Variants in FAM117B observed in about 807,000 individuals in gnomAD.
FAM117B encodes the protein protein FAM117B.
A neutral mutation model predicts 52.8 loss-of-function variants in FAM117B; 22 were observed. That is an observed-to-expected ratio of 0.42 (90% confidence interval 0.30 to 0.59). FAM117B has a LOEUF of 0.59. FAM117B is among the 20% of genes least tolerant of loss of function. The pLI is 0.22. For synonymous variants in FAM117B, 309 were observed against 324.1 expected, an observed-to-expected ratio of 0.95 and a Z score of 0.50; for missense variants, 678 against 802.6, an observed-to-expected ratio of 0.84 and a Z score of 1.88.
At chr2:202,705,731 T>G (rs570588327) in intron 2 of FAM117B, among the ~76,000 whole-genome samples, 2 of 152,356 alleles carry the variant, frequency 1.3e-5, no homozygotes, top group South Asian at 4.1e-4. Context: ...TTAGACTAAT[T>G]TATATTTCCA....
chr2:202,651,317 C>T (rs550816714), intron 1 of FAM117B, among the ~76,000 whole-genome samples: 41 of 151,760 alleles, frequency 2.7e-4, no homozygotes, highest in Non-Finnish European at 5.6e-4. Context: ...CTATCTCAGC[C>T]TCCCAAAGTG....
intron 4 of FAM117B, among the ~76,000 whole-genome samples, chr2:202,754,866 G>A (rs527524083): frequency 7.2e-6 from 1 of 138,896 alleles, no homozygotes; most frequent in Non-Finnish European, 1.5e-5. Flanking sequence ...CTCCAACCTG[G>A]GTGACAGAGT....
At chr2:202,713,973 C>A (rs1190272993) in intron 2 of FAM117B, among the ~76,000 whole-genome samples, 1 of 152,208 alleles carries the variant, frequency 6.6e-6, no homozygotes, top group African/African-American at 2.4e-5. Context: ...TCCCCAAGTG[C>A]TAGGATTACA....
chr2:202,730,840 G>A (rs950691056), intron 4 of FAM117B, among the ~76,000 whole-genome samples: 2 of 152,140 alleles, frequency 1.3e-5, no homozygotes, highest in Admixed American at 6.5e-5. Flanking sequence ...ATTGCGTTAG[G>A]CAATGGCTTC....
intron 4 of FAM117B, among the ~76,000 whole-genome samples, chr2:202,729,227 G>A (rs1176105936): frequency 2.6e-5 from 4 of 152,106 alleles, no homozygotes; most frequent in Non-Finnish European, 4.4e-5. Context: ...CCAGCTACTT[G>A]AGAGGCTGAG....
chr2:202,696,284 T>C (rs568224540), intron 2 of FAM117B, among the ~76,000 whole-genome samples: 2 of 152,140 alleles, frequency 1.3e-5, no homozygotes, highest in South Asian at 4.2e-4. Flanking sequence ...ATGGACATAC[T>C]TTTTTTTCCC....
In FAM117B at chr2:202,695,957, A is replaced by G. The variant is rs776372256; in HGVS notation, c.678A>G (p.Ala226=). ...CTTCCTCCCTGGATACTCTTGCTGC[A>G]CCGTATCTTGCTGGACACTGGCCTC... ...RRTSSLDTLA[A]PYLAGHWPRD... is the part of the protein sequence containing the mutation. The change falls in exon 2 of 8, where the codon GCA becomes GCG. Residue 226 remains alanine, a synonymous_variant. Transcript: ENST00000392238. The G allele has an allele frequency of 1.9e-6, 3 of 1,614,156 alleles. No individual in the cohort carries two copies. The highest frequency in any genetic ancestry group is 1.1e-5 in the South Asian group (1 of 91,076).
intron 4 of FAM117B, among the ~76,000 whole-genome samples, chr2:202,731,630 C>T (rs1221698844): frequency 6.6e-6 from 1 of 151,690 alleles, no homozygotes; most frequent in Non-Finnish European, 1.5e-5. Context: ...CAGGGTTTTA[C>T]TGTGTTGGCC....
chr2:202,680,018 C>T (rs978999634), intron 1 of FAM117B, among the ~76,000 whole-genome samples: 3 of 151,954 alleles, frequency 2.0e-5, no homozygotes, highest in Non-Finnish European at 4.4e-5. Flanking sequence ...TTGAAAAGAA[C>T]TGATCAAAAT....
chr2:202,652,018 A>C (rs1231220673), intron 1 of FAM117B, among the ~76,000 whole-genome samples: 7 of 146,090 alleles, frequency 4.8e-5, no homozygotes, highest in Non-Finnish European at 1.0e-4. Flanking sequence ...GTGCCATTGC[A>C]CTCCAGCCTG....
In FAM117B at chr2:202,661,401, G is replaced by A. The variant is rs534003680; in HGVS notation, c.601+25613G>A. ...AACAATTATAGTAAAACTGTTAACT[G>A]TTACTGAGTACCTTCTATATTCCAA... On this transcript the variant is annotated intron_variant, in intron 1 of 7. Transcript: ENST00000392238. Among the ~76,000 whole-genome samples the A allele has an allele frequency of 5.3e-5, 8 of 152,296 alleles. No homozygotes were observed. In the South Asian group the frequency reaches 1.0e-3, roughly 20 times the overall value.
In FAM117B at chr2:202,766,107, C is replaced by CACACACACACACA. The variant is rs1574309784; in HGVS notation, c.*343_*344insACACACACACACA. The CACACACACACACA allele has an allele frequency of 9.5e-5, 19 of 199,608 alleles. No homozygotes were observed. The highest frequency in any genetic ancestry group is 1.6e-4 in the Non-Finnish European group (16 of 100,726). The allele number at this position is 199,608 out of a possible 1,614,324, so 12.4% of individuals were successfully genotyped here. ...ACACACACACACACACACACACACACCCCTGATCCTTGCCAACATGATTCC... is the reference window on the plus strand; with the variant it reads ...ACACACACACACACACACACACACACACACACACACACACCCTGATCCTTGCCAACATGATTCC... On this transcript the variant is annotated 3_prime_UTR_variant, in exon 8 of 8. Transcript: ENST00000392238.
At chr2:202,750,299 C>G (rs1691703017) in intron 4 of FAM117B, among the ~76,000 whole-genome samples, 1 of 152,092 alleles carries the variant, frequency 6.6e-6, no homozygotes, top group African/African-American at 2.4e-5. Flanking sequence ...TTGCTTGAGC[C>G]CAGGAGTTTG....
At chr2:202,687,076 C>G (rs1690551120) in intron 1 of FAM117B, among the ~76,000 whole-genome samples, 1 of 152,024 alleles carries the variant, frequency 6.6e-6, no homozygotes, top group South Asian at 2.1e-4. Flanking sequence ...ACATAATTAC[C>G]ACCACATATA....
intron 1 of FAM117B, among the ~76,000 whole-genome samples, chr2:202,652,183 C>T (rs549708346): frequency 1.0e-3 from 156 of 152,118 alleles, no homozygotes; most frequent in African/African-American, 3.4e-3. Context: ...GCTGCAGCCT[C>T]GACCTCCCTA....
At position 202,635,290 on chromosome 2, in the gene FAM117B, A is replaced by T; in HGVS notation, c.103A>T (p.Met35Leu). The change falls in exon 1 of 8, where the codon ATG (methionine) becomes TTG (leucine). Residue 35 changes from methionine to leucine, a missense_variant. Transcript: ENST00000392238. ...GGGACCCGGGAGCCGCTTGCAGCCC[A>T]TGAGGGCGACGGTTCCGTTCCAGCT... ...AGGPGSRLQPMRATVPFQLKQ... is the reference protein window; with the variant it reads ...AGGPGSRLQPLRATVPFQLKQ... The T allele has an allele frequency of 7.1e-7, 1 of 1,416,020 alleles. No homozygotes were observed. The highest frequency in any genetic ancestry group is 9.2e-7 in the Non-Finnish European group (1 of 1,081,622). 87.7% of individuals were successfully genotyped at this position (1,416,020 alleles called of 1,614,324 possible). A position where few individuals can be genotyped will look rare whatever the true frequency, so the allele number is the denominator to read the frequency against.
Position 202,732,072 on chromosome 2 carries a change from G to A in FAM117B, c.960+5709G>A, listed in dbSNP as rs1253573028. On this transcript the variant is annotated intron_variant, in intron 4 of 7. Transcript: ENST00000392238. Reference sequence around the variant, plus strand: ...TTTTTTTTTTTTTTTTGTATTTATAGTAGAGATGGGGTTTCACCTTGTTGG... The same window carrying A: ...TTTTTTTTTTTTTTTTGTATTTATAATAGAGATGGGGTTTCACCTTGTTGG... Among the ~76,000 whole-genome samples the A allele has an allele frequency of 2.8e-5, 4 of 141,262 alleles. No homozygotes were observed. The Admixed American group carries it at 2.9e-4, about 10-fold the overall frequency. 92.7% of individuals were successfully genotyped at this position (141,262 alleles called of 152,430 possible).
chr2:202,697,608 T>A (rs2105777441), intron 2 of FAM117B, among the ~76,000 whole-genome samples: 1 of 150,500 alleles, frequency 6.6e-6, no homozygotes, highest in Non-Finnish European at 1.5e-5. Context: ...TGGAGTGCAG[T>A]GGTATAATCT....
intron 1 of FAM117B, among the ~76,000 whole-genome samples, chr2:202,652,499 T>G (rs1356915476): frequency 6.6e-6 from 1 of 152,176 alleles, no homozygotes; most frequent in Non-Finnish European, 1.5e-5. Flanking sequence ...AAGAGATAAT[T>G]CAGATTTTTG....
Sources: allele counts gnomAD v4.1 joint callset (sites outside exome capture counted in the v4.1 genomes callset), GRCh38; gene constraint gnomAD v4.1.1; transcripts MANE v1.5; gene names NCBI Gene and HGNC (gene_info 2026-07-23, HGNC 2026-07-21).